KIRREL3: variants seen among roughly 807,000 people sequenced by gnomAD.
KIRREL3 encodes kin of IRRE-like protein 3.
A neutral mutation model predicts 89.7 loss-of-function variants in KIRREL3; 36 were observed. That is an observed-to-expected ratio of 0.40 (90% CI 0.31 to 0.53). The LOEUF (loss-of-function observed/expected upper bound fraction) is 0.53, where lower values mean the gene tolerates loss of function less well. KIRREL3 is among the 20% of genes least tolerant of loss of function. KIRREL3 has a pLI of 0.49. For synonymous variants in KIRREL3, 445 were observed against 441.4 expected (o/e 1.01, Z -0.10); for missense variants, 864 against 1,056.6 (o/e 0.82, Z 2.53).
In KIRREL3 at chr11:126,669,210, G is replaced by C. The variant is rs1364176639; in HGVS notation, c.56-106298C>G. Among the ~76,000 whole-genome samples, 1 of 152,136 alleles carries C rather than the reference G, an allele frequency of 6.6e-6. No homozygotes were observed. The highest frequency in any genetic ancestry group is 2.4e-5 in the African/African-American group (1 of 41,420). On this transcript the variant is annotated intron_variant, in intron 1 of 16. Transcript: ENST00000525144. This position sits in a 1 kb window ranked among gnomAD's most constrained non-coding sequence, Gnocchi z 5.0. ...TGGCAAGAATTCCCTTTAGTGACTA[G>C]TGTTGGGAGTTGTTAGACCCATTGA...
At position 126,791,586 on chromosome 11, in the gene KIRREL3, C is replaced by T. The variant is rs1200985625; in HGVS notation, c.55+208869G>A. ...CTGATGGGAGAAGGCTGGAGCCAAG[C>T]CTTTTGTAGGCAAAGGGATCTGAGT... On this transcript the variant is annotated intron_variant, in intron 1 of 16. Transcript: ENST00000525144. The surrounding 1 kb of genome is among the most constrained non-coding windows in gnomAD (Gnocchi z 4.8). 6.6e-6 allele frequency among the ~76,000 whole-genome samples: 1 copy of T among 152,192 alleles called. No individual in the cohort carries two copies. The highest frequency in any genetic ancestry group is 1.5e-5 in the Non-Finnish European group (1 of 68,032).
intron 1 of KIRREL3, among the ~76,000 whole-genome samples, chr11:126,706,979 A>G (rs1479436896): frequency 6.6e-6 from 1 of 150,378 alleles, no homozygotes; most frequent in Non-Finnish European, 1.5e-5. Flanking sequence ...CTCACTGTAC[A>G]TACATCACAC....
rs1248750372 is a variant in KIRREL3, at chr11:126,656,527, G to A, written c.56-93615C>T. Among the ~76,000 whole-genome samples, 1 of 152,192 alleles carries A rather than the reference G, an allele frequency of 6.6e-6. No individual in the cohort carries two copies. Among genetic ancestry groups the A allele is most frequent in the Non-Finnish European group, 1.5e-5 (1 of 68,042 alleles). Reference sequence around the variant, plus strand: ...CAAAATTGGCATAAGTGGGGGATAAGGCAGCAGGTGACAGTGGTTGCGTGC... The same window carrying A: ...CAAAATTGGCATAAGTGGGGGATAAAGCAGCAGGTGACAGTGGTTGCGTGC... On this transcript the variant is annotated intron_variant, in intron 1 of 16. Coordinates refer to ENST00000525144, the MANE Select transcript of KIRREL3 (RefSeq NM_032531.4). This position sits in a 1 kb window ranked among gnomAD's most constrained non-coding sequence, Gnocchi z 4.0.
rs1945852356 is a variant in KIRREL3 at position 126,890,082 on chromosome 11, T to C, written c.55+110373A>G. On this transcript the variant is annotated intron_variant, in intron 1 of 16. Transcript: ENST00000525144. The surrounding 1 kb of genome is among the most constrained non-coding windows in gnomAD (Gnocchi z 5.1). ...TAACTATCTGGTGGAGGATCTTGTG[T>C]CCTTTCATTCTAGGGGGATGGGTCA... 6.6e-6 allele frequency among the ~76,000 whole-genome samples: 1 copy of C among 152,312 alleles called. No individual in the cohort carries two copies. Among genetic ancestry groups the C allele is most frequent in the South Asian group, 2.1e-4 (1 of 4,824 alleles).
At chr11:126,887,996 T>C (rs1945765261) in intron 1 of KIRREL3, among the ~76,000 whole-genome samples, 1 of 152,216 alleles carries the variant, frequency 6.6e-6, no homozygotes, top group Non-Finnish European at 1.5e-5. Context: ...CTTGTATTAA[T>C]GTGGACATCA....
At chr11:126,442,783 C>T (rs571301297) in intron 10 of KIRREL3, among the ~76,000 whole-genome samples, 3 of 152,252 alleles carry the variant, frequency 2.0e-5, no homozygotes, top group South Asian at 4.1e-4. Flanking sequence ...CCACTGAACT[C>T]ATCCACCTGC....
At chr11:126,964,328 C>T (rs1357471606) in intron 1 of KIRREL3, among the ~76,000 whole-genome samples, 2 of 152,162 alleles carry the variant, frequency 1.3e-5, no homozygotes, top group African/African-American at 4.8e-5. Flanking sequence ...CACTGTCTGA[C>T]ATCTGCAGAC....
intron 1 of KIRREL3, among the ~76,000 whole-genome samples, chr11:126,633,173 G>A (rs1311051165): frequency 6.6e-6 from 1 of 152,120 alleles, no homozygotes. Context: ...GCCATGCCGA[G>A]TCCCAAGTCT....
intron 1 of KIRREL3, among the ~76,000 whole-genome samples, chr11:126,966,211 A>C (rs958249436): frequency 6.6e-6 from 1 of 152,188 alleles, no homozygotes; most frequent in Admixed American, 6.5e-5. Flanking sequence ...ACAAACGGTA[A>C]TTTGACTGAC....
chr11:126,796,292 C>T lies in KIRREL3; in HGVS notation c.55+204163G>A, dbSNP rs530128366. On this transcript the variant is annotated intron_variant, in intron 1 of 16. Coordinates refer to ENST00000525144, the MANE Select transcript of KIRREL3 (RefSeq NM_032531.4). This position sits in a 1 kb window ranked among gnomAD's most constrained non-coding sequence, Gnocchi z 5.1. ...TTGACCAGATGAAAAGAGAGGGGCT[C>T]GATCCATGTGAGTTCCCTGGCTTGC... Among the ~76,000 whole-genome samples, 3 of 152,200 alleles carry T rather than the reference C, an allele frequency of 2.0e-5. No individual in the cohort carries two copies. Among genetic ancestry groups the T allele is most frequent in the East Asian group, 1.9e-4 (1 of 5,178 alleles).
chr11:126,731,109 T>G (rs998416882), intron 1 of KIRREL3, among the ~76,000 whole-genome samples: 1 of 152,204 alleles, frequency 6.6e-6, no homozygotes. Flanking sequence ...CTTTGCTGCC[T>G]CCTGCGAGAA....
At position 126,563,822 on chromosome 11, in the gene KIRREL3, C is replaced by G. The variant is rs1221034454; in HGVS notation, c.56-910G>C. Among the ~76,000 whole-genome samples, 1 of 152,214 alleles carries G rather than the reference C, an allele frequency of 6.6e-6. No homozygotes were observed. The highest frequency in any genetic ancestry group is 1.5e-5 in the Non-Finnish European group (1 of 68,042). On this transcript the variant is annotated intron_variant, in intron 1 of 16. Transcript: ENST00000525144. The surrounding 1 kb of genome is among the most constrained non-coding windows in gnomAD (Gnocchi z 6.8). ...GTGCTTTATCCTGATTCATCTTAAT[C>G]ACTTTATGGATCCTGAAGCAATAGC... is the stretch of plus-strand genomic sequence containing the variant.
At chr11:126,786,145 T>C (rs1225231829) in intron 1 of KIRREL3, among the ~76,000 whole-genome samples, 1 of 152,060 alleles carries the variant, frequency 6.6e-6, no homozygotes, top group Non-Finnish European at 1.5e-5. Flanking sequence ...TGGAATATTA[T>C]GGAATCATTA....
chr11:126,527,885 A>T lies in KIRREL3; in HGVS notation c.134-1198T>A, dbSNP rs1344417428. On this transcript the variant is annotated intron_variant, in intron 2 of 16. Transcript: ENST00000525144. This position sits in a 1 kb window ranked among gnomAD's most constrained non-coding sequence, Gnocchi z 4.2. ...GTTGCTGATGAAGAGGTGTGATGTG[A>T]TCTGTGTCTCCTGGGAGTCCACAGT... Among the ~76,000 whole-genome samples the T allele has an allele frequency of 6.6e-6, 1 of 152,132 alleles. No homozygotes were observed. Among genetic ancestry groups the T allele is most frequent in the African/African-American group, 2.4e-5 (1 of 41,404 alleles).
rs1175423254 is a variant in KIRREL3, at chr11:126,652,950, A to G, written c.56-90038T>C. ...TTTGGGTGAGACATCAGTTTAATTT[A>G]TATTTGATTAAAAAAGTCATTCATT... On this transcript the variant is annotated intron_variant, in intron 1 of 16. Coordinates refer to ENST00000525144, the MANE Select transcript of KIRREL3 (RefSeq NM_032531.4). The surrounding 1 kb of genome is among the most constrained non-coding windows in gnomAD (Gnocchi z 4.9). 1 of 151,766 alleles carries G rather than the reference A, an allele frequency of 6.6e-6. No individual in the cohort carries two copies. Among genetic ancestry groups the G allele is most frequent in the Non-Finnish European group, 1.5e-5 (1 of 68,002 alleles). 9.4% of individuals were successfully genotyped at this position (151,766 alleles called of 1,614,324 possible). A position where few individuals can be genotyped will look rare whatever the true frequency, so the allele number is the denominator to read the frequency against.
chr11:126,667,904 A>T (rs563004916), intron 1 of KIRREL3, among the ~76,000 whole-genome samples: 59 of 152,270 alleles, frequency 3.9e-4, no homozygotes, highest in African/African-American at 1.4e-3. Context: ...GGGACAAAGC[A>T]GTTAAAATCC....
At position 126,571,965 on chromosome 11, in the gene KIRREL3, G is replaced by A. The variant is rs947743593; in HGVS notation, c.56-9053C>T. The stretch of plus-strand genomic sequence containing the variant: ...CTTCCACACACCCTGTGAGGAACAG[G>A]GGCTGCCAAAAGCCATATGCCTGAG... On this transcript the variant is annotated intron_variant, in intron 1 of 16. Transcript: ENST00000525144. This position sits in a 1 kb window ranked among gnomAD's most constrained non-coding sequence, Gnocchi z 7.7. Among the ~76,000 whole-genome samples the A allele has an allele frequency of 6.6e-6, 1 of 152,192 alleles. No individual in the cohort carries two copies. Among genetic ancestry groups the A allele is most frequent in the Non-Finnish European group, 1.5e-5 (1 of 68,022 alleles).
Position 126,876,466 on chromosome 11 carries a change from C to T in KIRREL3, c.55+123989G>A, listed in dbSNP as rs771101002. Reference sequence around the variant, plus strand: ...AGCTGGCAAGTGGGGACACACTGTGCTATCCCTGCTCACTGTTGCACCTGA... The same window carrying T: ...AGCTGGCAAGTGGGGACACACTGTGTTATCCCTGCTCACTGTTGCACCTGA... On this transcript the variant is annotated intron_variant, in intron 1 of 16. Transcript: ENST00000525144. This position sits in a 1 kb window ranked among gnomAD's most constrained non-coding sequence, Gnocchi z 4.1. Among the ~76,000 whole-genome samples the T allele has an allele frequency of 6.6e-6, 1 of 152,050 alleles. No homozygotes were observed. Among genetic ancestry groups the T allele is most frequent in the Non-Finnish European group, 1.5e-5 (1 of 68,028 alleles).
chr11:126,567,100 G>A (rs542277935), intron 1 of KIRREL3, among the ~76,000 whole-genome samples: 4 of 152,316 alleles, frequency 2.6e-5, no homozygotes, highest in East Asian at 1.9e-4. Context: ...GCTATAGGTC[G>A]AATTCCTCAC....
Sources: gnomAD v4.1 joint callset for allele counts (sites outside exome capture counted in the v4.1 genomes callset) on GRCh38, gnomAD v4.1.1 for gene constraint, Gnocchi (gnomAD v3.1) non-coding constraint, MANE v1.5 for transcripts, NCBI Gene and HGNC (gene_info 2026-07-23, HGNC 2026-07-21) for gene names.